Variants in AMTN observed in about 807,000 individuals in gnomAD.
AMTN encodes amelotin, also known as RSTI689.
A neutral mutation model predicts 27.4 loss-of-function variants in AMTN; 29 were observed. The ratio of observed to expected loss-of-function variants is 1.06; its 90% CI spans 0.79 to 1.44. AMTN has a LOEUF of 1.44. Ranked by LOEUF, AMTN falls within the 40% of genes most tolerant of loss-of-function variation. The pLI is 0.00. For synonymous variants in AMTN, 86 were observed against 95.7 expected (o/e 0.90, Z 0.59); for missense variants, 247 against 248.8 (o/e 0.99, Z 0.05).
At chr4:70,525,364 G>A (rs1736079746) in intron 5 of AMTN, among the ~76,000 whole-genome samples, 1 of 152,132 alleles carries the variant, frequency 6.6e-6, no homozygotes, top group Admixed American at 6.5e-5. Context: ...TTTATCTTCA[G>A]CAAATCTAAT....
chr4:70,526,011 C>T (rs1170096130), intron 5 of AMTN, among the ~76,000 whole-genome samples: 1 of 152,148 alleles, frequency 6.6e-6, no homozygotes, highest in African/African-American at 2.4e-5. Context: ...GACCTCGGCC[C>T]CCATTATCCA....
At chr4:70,529,048 A>T in intron 6 of AMTN, 136 bp from the exon 7 acceptor site, 1 of 749,762 alleles carries the variant, frequency 1.3e-6, no homozygotes, top group Non-Finnish European at 2.1e-6. Context: ...ATCATAAGGC[A>T]GTTTAACATA....
chr4:70,529,211 G>C lies in AMTN; in HGVS notation c.357+1G>C. 1.3e-6 allele frequency: 2 copies of C among 1,538,520 alleles called. No individual in the cohort carries two copies. The highest frequency in any genetic ancestry group is 1.7e-6 in the Non-Finnish European group (2 of 1,146,594). ...CACTATCCTAAGCTCAGAGGAATTG[G>C]TAAAAAAAATAAAAATACTATTTCA... On this transcript the variant is annotated splice_donor_variant, in intron 7 of 8. Coordinates refer to ENST00000339336, the MANE Select transcript of AMTN (RefSeq NM_212557.4). LOFTEE classifies it high-confidence loss of function.
chr4:70,522,960 T>C lies in AMTN; in HGVS notation c.138+122T>C, dbSNP rs146511674. 5.1e-5 allele frequency: 45 copies of C among 885,378 alleles called. No individual in the cohort carries two copies. The African/African-American group carries it at 5.3e-4, about 11-fold the overall frequency. The allele number at this position is 885,378 out of a possible 1,614,324, so 54.8% of individuals were successfully genotyped here. A position where few individuals can be genotyped will look rare whatever the true frequency, so the allele number is the denominator to read the frequency against. ...AAAATCAAAATTTACATGAAGACTG[T>C]ACAAGACTGAACAAGAGAGAGGCTT... is the stretch of plus-strand genomic sequence containing the variant. On this transcript the variant is annotated intron_variant, in intron 3 of 8. Transcript: ENST00000339336.
At chr4:70,530,283 G>C (rs972825255) in intron 7 of AMTN, among the ~76,000 whole-genome samples, 9 of 151,744 alleles carry the variant, frequency 5.9e-5, no homozygotes, top group African/African-American at 2.2e-4. Context: ...TATATAGAAT[G>C]CACTACTAGT....
At chr4:70,522,711 A>G in intron 2 of AMTN, 44 bp from the exon 3 acceptor site, 2 of 1,588,284 alleles carry the variant, frequency 1.3e-6, no homozygotes, top group Non-Finnish European at 1.7e-6. Context: ...CAAAATCTTA[A>G]ACACATTCCT....
At chr4:70,529,719 T>G (rs1736175471) in intron 7 of AMTN, among the ~76,000 whole-genome samples, 1 of 152,196 alleles carries the variant, frequency 6.6e-6, no homozygotes, top group African/African-American at 2.4e-5. Flanking sequence ...TGCTAAACAC[T>G]TCTATGCATT....
In AMTN at chr4:70,528,753, G is replaced by T; in HGVS notation, c.325G>T (p.Ala109Ser). 6.3e-7 allele frequency: 1 copy of T among 1,594,646 alleles called. No individual in the cohort carries two copies. The highest frequency in any genetic ancestry group is 1.1e-5 in the South Asian group (1 of 87,122). ...VLPIFVTQLGAQGTILSSEEL... is the reference protein window; with the variant it reads ...VLPIFVTQLGSQGTILSSEEL... Reference sequence around the variant, plus strand: ...ACCAATTTTTGTCACACAACTTGGAGCCCAGGTAAAAATTATGCTTAATAT... The same window carrying T: ...ACCAATTTTTGTCACACAACTTGGATCCCAGGTAAAAATTATGCTTAATAT... Residue 109 changes from alanine to serine, a missense_variant, in exon 6 of 9, where the codon GCC (alanine) becomes TCC (serine). Transcript: ENST00000339336.
rs1248054165 is a variant in AMTN, at chr4:70,532,372, A to G, written c.620-83A>G. The G allele has an allele frequency of 2.6e-6, 3 of 1,170,160 alleles. No individual in the cohort carries two copies. In the East Asian group the frequency reaches 7.5e-5, roughly 29 times the overall value. 72.5% of individuals were successfully genotyped at this position (1,170,160 alleles called of 1,614,324 possible). A position where few individuals can be genotyped will look rare whatever the true frequency, so the allele number is the denominator to read the frequency against. ...GATATGGATGCTCCTAATCCTGCAA[A>G]AGAAACTTGGATCTCAAGTAAAAGA... On this transcript the variant is annotated intron_variant, in intron 8 of 8. Transcript: ENST00000339336.
chr4:70,524,806 A>G lies in AMTN; in HGVS notation c.205-66A>G, dbSNP rs1489383418. Reference sequence around the variant, plus strand: ...AATATATTTTACGTTTAGTAAAAACATTTTAGTTTCCTAAATGTCCAAACT... The same window carrying G: ...AATATATTTTACGTTTAGTAAAAACGTTTTAGTTTCCTAAATGTCCAAACT... On this transcript the variant is annotated intron_variant, in intron 4 of 8. Transcript: ENST00000339336. 5 of 1,461,980 alleles carry G rather than the reference A, an allele frequency of 3.4e-6. No individual in the cohort carries two copies. In the Admixed American group the frequency reaches 8.9e-5, roughly 26 times the overall value. 90.6% of individuals were successfully genotyped at this position (1,461,980 alleles called of 1,614,324 possible).
At chr4:70,522,726 C>T (rs1200720205) in intron 2 of AMTN, 29 bp from the exon 3 acceptor site, 2 of 1,607,558 alleles carry the variant, frequency 1.2e-6, no homozygotes, top group African/African-American at 1.3e-5. Flanking sequence ...ATTCCTGCCT[C>T]ATCAAATATG....
At chr4:70,519,693 C>A (rs554508763) in intron 2 of AMTN, among the ~76,000 whole-genome samples, 1 of 72,474 alleles carries the variant, frequency 1.4e-5, no homozygotes, top group South Asian at 3.5e-4. Flanking sequence ...GGATTGTAGA[C>A]ATTAATTTTT....
rs1222022187 is a variant in AMTN, at chr4:70,524,925, G to T, written c.258G>T (p.Leu86=). 1.9e-6 allele frequency: 3 copies of T among 1,613,908 alleles called. No individual in the cohort carries two copies. Among genetic ancestry groups the T allele is most frequent in the Non-Finnish European group, 2.5e-6 (3 of 1,179,948 alleles). The part of the protein sequence containing the change: ...TPGTQTHPLT[L]GGLNVQQQLH... ...GTACCCAGACCCACCCATTGACCCT[G>T]GGAGGGTTGAATGTACAACAGCAAC... The change falls in exon 5 of 9, where the codon CTG becomes CTT. Residue 86 remains leucine (L), a synonymous_variant. Transcript: ENST00000339336.
At chr4:70,529,307 G>T (rs2109774592) in intron 7 of AMTN, 97 bp downstream of exon 7, 1 of 858,470 alleles carries the variant, frequency 1.2e-6, no homozygotes, top group South Asian at 2.5e-5. Flanking sequence ...TCCTAAATAT[G>T]GTATGTACTA....
rs753508858 is a variant in AMTN at position 70,532,483 on chromosome 4, C to A, written c.*18C>A. ...TTCAGTAAGCTGTTTCAAATTTTTT[C>A]AACTAAGCTGCCTCGAATTTGGTGA... is the stretch of plus-strand genomic sequence containing the variant. On this transcript the variant is annotated 3_prime_UTR_variant, in exon 9 of 9. Transcript: ENST00000339336. 1 of 1,606,452 alleles carries A rather than the reference C, an allele frequency of 6.2e-7. No individual in the cohort carries two copies. The highest frequency in any genetic ancestry group is 8.5e-7 in the Non-Finnish European group (1 of 1,175,264).
Position 70,518,747 on chromosome 4 carries a change from TTTTTTGTTG to T in AMTN, c.-15-13_-15-5del. ...AAAAAAATACATGGAAGAGTAACAC[TTTTTTGTTG>T]TTGTAGGTAGCAATCTGAAACATGA... is the stretch of plus-strand genomic sequence containing the variant. On this transcript the variant is annotated splice_region_variant and splice_polypyrimidine_tract_variant and intron_variant, in intron 1 of 8. Transcript: ENST00000339336. The T allele has an allele frequency of 2.0e-6, 3 of 1,532,930 alleles. No homozygotes were observed. Among genetic ancestry groups the T allele is most frequent in the Non-Finnish European group, 1.8e-6 (2 of 1,106,978 alleles). 95.0% of individuals were successfully genotyped at this position (1,532,930 alleles called of 1,614,324 possible). A position where few individuals can be genotyped will look rare whatever the true frequency, so the allele number is the denominator to read the frequency against.
intron 5 of AMTN, among the ~76,000 whole-genome samples, chr4:70,526,254 TATA>T (rs1483834782): frequency 5.9e-5 from 9 of 152,256 alleles, no homozygotes; most frequent in African/African-American, 4.8e-5. Context: ...ATGTTTTTGC[TATA>T]ATGTTTTGTA....
chr4:70,524,648 C>T (rs1736055992), intron 4 of AMTN, among the ~76,000 whole-genome samples: 1 of 130,156 alleles, frequency 7.7e-6, no homozygotes, highest in Non-Finnish European at 1.8e-5. Flanking sequence ...CAAAGAAAAA[C>T]TTAACAGGGG....
rs558403730 is a variant in AMTN, at chr4:70,518,766, G to T, written c.-12G>T. The T allele has an allele frequency of 6.3e-7, 1 of 1,590,450 alleles. No individual in the cohort carries two copies. The highest frequency in any genetic ancestry group is 8.6e-7 in the Non-Finnish European group (1 of 1,158,698). On this transcript the variant is annotated 5_prime_UTR_variant, in exon 2 of 9. Transcript: ENST00000339336. ...TAACACTTTTTTGTTGTTGTAGGTA[G>T]CAATCTGAAACATGAGGAGTACGAT...
Sources: gnomAD v4.1 joint callset for allele counts (sites outside exome capture counted in the v4.1 genomes callset) on GRCh38, gnomAD v4.1.1 for gene constraint, MANE v1.5 for transcripts, NCBI Gene and HGNC (gene_info 2026-07-23, HGNC 2026-07-21) for gene names.